PRTG: variants seen among roughly 807,000 people sequenced by gnomAD.
PRTG encodes the protein immunoglobulin superfamily, DCC subclass, member 5.
PRTG carries 67 observed loss-of-function variants against 122.5 expected under a neutral mutation model. The ratio of observed to expected loss-of-function variants is 0.55; its 90% CI spans 0.45 to 0.67. PRTG has a LOEUF of 0.67. PRTG is among the 30% of genes least tolerant of loss of function. The pLI is 0.00. For synonymous variants in PRTG, 554 were observed against 501.1 expected, an observed-to-expected ratio of 1.11 and a Z score of -1.41; for missense variants, 1,435 against 1,415.4, an observed-to-expected ratio of 1.01 and a Z score of -0.22.
chr15:55,632,254 C>T (rs2059231794), intron 15 of PRTG, among the ~76,000 whole-genome samples: 1 of 152,108 alleles, frequency 6.6e-6, no homozygotes, highest in Non-Finnish European at 1.5e-5. Context: ...TTCTGATGCC[C>T]CACATCAATC....
chr15:55,654,617 C>T lies in PRTG; in HGVS notation c.2042-13409G>A, dbSNP rs1425203027. Among the ~76,000 whole-genome samples, 2 of 152,198 alleles carry T rather than the reference C, an allele frequency of 1.3e-5. 1 individual carries two copies. Among genetic ancestry groups the T allele is most frequent in the South Asian group, 4.1e-4 (2 of 4,826 alleles). Reference sequence around the variant, plus strand: ...TCCGAAGTAGAACACTTGACTCATGCTACTGTACTTGGCTTAGCATTTGTT... The same window carrying T: ...TCCGAAGTAGAACACTTGACTCATGTTACTGTACTTGGCTTAGCATTTGTT... On this transcript the variant is annotated intron_variant, in intron 11 of 19. Transcript: ENST00000389286.
Position 55,714,230 on chromosome 15 carries a change from TCTCA to T in PRTG, c.397+26148_397+26151del, listed in dbSNP as rs1313711241. Among the ~76,000 whole-genome samples the T allele has an allele frequency of 4.0e-5, 6 of 151,796 alleles. No individual in the cohort carries two copies. The East Asian group carries it at 9.7e-4, about 24-fold the overall frequency. On this transcript the variant is annotated intron_variant, in intron 2 of 19. Coordinates refer to ENST00000389286, the MANE Select transcript of PRTG (RefSeq NM_173814.6). Reference sequence around the variant, plus strand: ...GTCTCTCTCTCTCTCTCTCTCTCTCTCTCAATCTTTCTATGACAGGGTCTTGCTC... The same window carrying T: ...GTCTCTCTCTCTCTCTCTCTCTCTCTATCTTTCTATGACAGGGTCTTGCTC...
intron 12 of PRTG, 106 bp downstream of exon 12, chr15:55,641,007 A>T: frequency 1.3e-6 from 1 of 784,102 alleles, no homozygotes; most frequent in Non-Finnish European, 2.1e-6. Flanking sequence ...GATAGAAATT[A>T]AGCCACCAAA....
At chr15:55,717,004 G>C (rs1356621329) in intron 2 of PRTG, among the ~76,000 whole-genome samples, 1 of 152,226 alleles carries the variant, frequency 6.6e-6, no homozygotes, top group East Asian at 1.9e-4. Context: ...TAGAAGCAGT[G>C]GCTTTACTCA....
At chr15:55,636,465 A>G (rs1003189072) in intron 15 of PRTG, among the ~76,000 whole-genome samples, 2 of 151,856 alleles carry the variant, frequency 1.3e-5, no homozygotes, top group Admixed American at 6.6e-5. Context: ...TCTCCCTTCT[A>G]TCATCCAAGC....
chr15:55,626,294 A>T (rs1185431900), intron 17 of PRTG, among the ~76,000 whole-genome samples: 1 of 151,972 alleles, frequency 6.6e-6, no homozygotes, highest in East Asian at 1.9e-4. Context: ...TTGTAATGCC[A>T]GCTACTTGGG....
chr15:55,658,420 A>T (rs2059392076), intron 11 of PRTG, among the ~76,000 whole-genome samples: 1 of 151,760 alleles, frequency 6.6e-6, no homozygotes, highest in Non-Finnish European at 1.5e-5. Flanking sequence ...GGTTCAAGCG[A>T]TTCTCTGGCC....
chr15:55,652,377 G>T (rs1359693900), intron 11 of PRTG, among the ~76,000 whole-genome samples: 1 of 152,180 alleles, frequency 6.6e-6, no homozygotes, highest in African/African-American at 2.4e-5. Flanking sequence ...ATGAAACCTA[G>T]TGTCTAGCCA....
chr15:55,695,604 C>T (rs1035606779), intron 2 of PRTG, among the ~76,000 whole-genome samples: 2 of 152,182 alleles, frequency 1.3e-5, no homozygotes, highest in Admixed American at 6.5e-5. Context: ...GGCAGAAGCA[C>T]GTTCCAGAGG....
At position 55,613,699 on chromosome 15, in the gene PRTG, A is replaced by C. The variant is rs979078825; in HGVS notation, c.*6313T>G. 1 of 151,840 alleles carries C rather than the reference A, an allele frequency of 6.6e-6. No individual in the cohort carries two copies. Among genetic ancestry groups the C allele is most frequent in the East Asian group, 1.9e-4 (1 of 5,182 alleles). 9.4% of individuals were successfully genotyped at this position (151,840 alleles called of 1,614,324 possible). A position where few individuals can be genotyped will look rare whatever the true frequency, so the allele number is the denominator to read the frequency against. Reference sequence around the variant, plus strand: ...CAACCTGGCTTTTGTGGATACAAGGAAAAAACAGTTGTATCTGGTCACACT... The same window carrying C: ...CAACCTGGCTTTTGTGGATACAAGGCAAAAACAGTTGTATCTGGTCACACT... On this transcript the variant is annotated 3_prime_UTR_variant, in exon 20 of 20. Transcript: ENST00000389286.
At chr15:55,684,878 C>T (rs930502658) in intron 2 of PRTG, among the ~76,000 whole-genome samples, 2 of 152,240 alleles carry the variant, frequency 1.3e-5, no homozygotes, top group African/African-American at 2.4e-5. Context: ...ACTCAAGAGA[C>T]GATTTTTAGG....
rs368131775 is a variant in PRTG at position 55,729,344 on chromosome 15, G to A, written c.397+11038C>T. 1.7e-4 allele frequency among the ~76,000 whole-genome samples: 26 copies of A among 152,204 alleles called. No homozygotes were observed. In the South Asian group the frequency reaches 4.1e-3, roughly 24 times the overall value. On this transcript the variant is annotated intron_variant, in intron 2 of 19. Coordinates refer to ENST00000389286, the MANE Select transcript of PRTG (RefSeq NM_173814.6). Reference sequence around the variant, plus strand: ...ATCCACTGAGACAAGAAGTAAATTCGTGGCTGCTAGAGGAAGGGGGAAATG... The same window carrying A: ...ATCCACTGAGACAAGAAGTAAATTCATGGCTGCTAGAGGAAGGGGGAAATG...
chr15:55,680,285 C>A, intron 5 of PRTG, 73 bp from the exon 6 acceptor site: 1 of 1,244,408 alleles, frequency 8.0e-7, no homozygotes, highest in South Asian at 1.4e-5. Flanking sequence ...GACCACTATC[C>A]AAGCAATCAA....
chr15:55,738,497 T>C (rs2031506711), intron 2 of PRTG: 3 of 701,164 alleles, frequency 4.3e-6, no homozygotes, highest in Non-Finnish European at 7.8e-6. Context: ...GTACTCCCTA[T>C]CCCTGAAAGA....
intron 2 of PRTG, among the ~76,000 whole-genome samples, chr15:55,690,362 G>A (rs2059593955): frequency 6.6e-6 from 1 of 152,134 alleles, no homozygotes; most frequent in African/African-American, 2.4e-5. Context: ...AACTAACAGA[G>A]GTTTTATTCT....
chr15:55,639,807 G>C lies in PRTG; in HGVS notation c.2159C>G (p.Pro720Arg). ...GCVSVRDRMVPPPPPPHHLYA... is the reference protein window; with the variant it reads ...GCVSVRDRMVRPPPPPHHLYA... Reference sequence around the variant, plus strand: ...GAGATGGTGGGGTGGTGGTGGAGGAGGGACCATGCGATCACGAACAGCTAT... The same window carrying C: ...GAGATGGTGGGGTGGTGGTGGAGGACGGACCATGCGATCACGAACAGCTAT... Residue 720 changes from proline to arginine, a missense_variant, in exon 13 of 20, where the codon CCT (proline) becomes CGT (arginine). Physicochemically the swap from Pro to Arg is moderately radical, Grantham distance 103 (BLOSUM62 -2). Transcript: ENST00000389286. The C allele has an allele frequency of 6.2e-7, 1 of 1,614,102 alleles. No individual in the cohort carries two copies. The highest frequency in any genetic ancestry group is 8.5e-7 in the Non-Finnish European group (1 of 1,179,992).
intron 15 of PRTG, among the ~76,000 whole-genome samples, chr15:55,629,375 ATGTGTGTGTGTGTGTG>A (rs59080250): frequency 2.2e-3 from 107 of 47,966 alleles, no homozygotes; most frequent in African/African-American, 6.2e-3. Context: ...ATATATATAT[ATGTGTGTGTGTGTGTG>A]TGTGTGTGTG....
At chr15:55,726,866 G>A (rs1335446846) in intron 2 of PRTG, among the ~76,000 whole-genome samples, 1 of 151,324 alleles carries the variant, frequency 6.6e-6, no homozygotes, top group African/African-American at 2.4e-5. Flanking sequence ...AGGACTGCTT[G>A]AGTCTGGGCA....
Position 55,619,096 on chromosome 15 carries a change from G to A in PRTG, c.*916C>T, listed in dbSNP as rs2059153029. On this transcript the variant is annotated 3_prime_UTR_variant, in exon 20 of 20. Transcript: ENST00000389286. ...AAAGTTGAGGATGCTTTGCAAACTA[G>A]ACAGTGCAGCCTTTGGCCAACCGTC... The A allele has an allele frequency of 6.6e-6, 1 of 152,148 alleles. No individual in the cohort carries two copies. Among genetic ancestry groups the A allele is most frequent in the African/African-American group, 2.4e-5 (1 of 41,428 alleles). The allele number at this position is 152,148 out of a possible 1,614,324, so 9.4% of individuals were successfully genotyped here.
Sources: gnomAD v4.1 joint callset for allele counts (sites outside exome capture counted in the v4.1 genomes callset) on GRCh38, gnomAD v4.1.1 for gene constraint, MANE v1.5 for transcripts, NCBI Gene and HGNC (gene_info 2026-07-23, HGNC 2026-07-21) for gene names.